The following TEX15 variants were observed in gnomAD, a reference collection of about 807,000 sequenced individuals.
TEX15 encodes testis expressed 15, meiosis and synapsis associated.
A neutral mutation model predicts 237.3 loss-of-function variants in TEX15; 171 were observed. The ratio of observed to expected loss-of-function variants is 0.72; its 90% CI spans 0.64 to 0.82. The LOEUF (loss-of-function observed/expected upper bound fraction) is 0.82. Among genes scored for constraint, TEX15 ranks in the 40% least tolerant of loss-of-function variants. TEX15 has a pLI of 0.00. For synonymous variants in TEX15, 1,338 were observed against 1,269.8 expected, an observed-to-expected ratio of 1.05 and a Z score of -1.14; for missense variants, 3,750 against 3,646.5, an observed-to-expected ratio of 1.03 and a Z score of -0.73.
At chr8:30,850,385 T>C (rs1175628115) in intron 7 of TEX15, among the ~76,000 whole-genome samples, 1 of 152,184 alleles carries the variant, frequency 6.6e-6, no homozygotes, top group East Asian at 1.9e-4. Context: ...CATTCATAGC[T>C]AAGTAACACC....
intron 8 of TEX15, among the ~76,000 whole-genome samples, chr8:30,841,169 C>T (rs969183099): frequency 1.3e-5 from 2 of 152,230 alleles, no homozygotes; most frequent in African/African-American, 4.8e-5. Flanking sequence ...GTCTGCCCAC[C>T]TTGGCCTCCC....
chr8:30,905,376 T>C (rs1321570620), intron 1 of TEX15, among the ~76,000 whole-genome samples: 1 of 152,154 alleles, frequency 6.6e-6, no homozygotes, highest in Non-Finnish European at 1.5e-5. Context: ...CTTGGGATGC[T>C]GCTATTCCTT....
chr8:30,838,773 CATATATATATATATATATATAT>C (rs34610592), intron 9 of TEX15, among the ~76,000 whole-genome samples: 3,629 of 65,488 alleles, frequency 0.055, 268 homozygotes, highest in African/African-American at 0.15. Context: ...TATATAAAAA[CATATATATATATATATATATAT>C]ATATATATAT....
chr8:30,901,615 G>GT (rs1351264318), intron 1 of TEX15, among the ~76,000 whole-genome samples: 1 of 152,108 alleles, frequency 6.6e-6, no homozygotes, highest in Non-Finnish European at 1.5e-5. Context: ...CTTAAGCAAC[G>GT]TATGTTTGAG....
intron 1 of TEX15, among the ~76,000 whole-genome samples, chr8:30,899,546 G>A (rs2128778721): frequency 6.6e-6 from 1 of 152,286 alleles, no homozygotes; most frequent in South Asian, 2.1e-4. Flanking sequence ...CGCTGCCTGG[G>A]TTCAAGCGAT....
Position 30,842,152 on chromosome 8 carries a change from C to T in TEX15, c.8015G>A (p.Ser2672Asn). 1 of 1,612,586 alleles carries T rather than the reference C, an allele frequency of 6.2e-7. No individual in the cohort carries two copies. The highest frequency in any genetic ancestry group is 8.5e-7 in the Non-Finnish European group (1 of 1,179,434). Residue 2672 changes from serine to asparagine, a missense_variant, in exon 8 of 11, where the codon AGT becomes AAT. By Grantham distance (46) the Ser-to-Asn change is conservative. Transcript: ENST00000643185. ...VKPGENNNKF[S>N]ISTMLPPVSE... ...TACTGGGGGCAACATCGTAGAAATA[C>T]TAAATTTATTGTTATTTTCCCCAGG...
Position 30,849,178 on chromosome 8 carries a change from G to A in TEX15, c.989C>T (p.Ser330Leu). Reference sequence around the variant, plus strand: ...ATTTGAGATGAAAGGATTTATCTCTGAATTTAGTGCATTGCATAAACAGTT... The same window carrying A: ...ATTTGAGATGAAAGGATTTATCTCTAAATTTAGTGCATTGCATAAACAGTT... ...QENCLCNALN[S>L]EINPFISNIS... is the part of the protein sequence containing the mutation. Residue 330 changes from serine to leucine, a missense_variant, in exon 8 of 11, where the codon TCA becomes TTA. Transcript: ENST00000643185. The A allele has an allele frequency of 1.3e-6, 2 of 1,542,296 alleles. No homozygotes were observed. The highest frequency in any genetic ancestry group is 1.7e-6 in the Non-Finnish European group (2 of 1,147,968).
intron 2 of TEX15, chr8:30,888,591 G>T: frequency 1.6e-6 from 2 of 1,280,416 alleles, no homozygotes; most frequent in South Asian, 1.2e-5. Context: ...GAAAGCTATG[G>T]AGTATACACA....
rs1170792571 is a variant in TEX15, at chr8:30,848,230, T to C, written c.1937A>G (p.Asp646Gly). The C allele has an allele frequency of 6.2e-7, 1 of 1,612,562 alleles. No individual in the cohort carries two copies. The highest frequency in any genetic ancestry group is 1.1e-5 in the South Asian group (1 of 90,542). Residue 646 changes from aspartate (D) to glycine (G), a missense_variant, in exon 8 of 11, where the codon GAT (aspartate) becomes GGT (glycine). Asp to Gly is a moderately conservative substitution (Grantham distance 94). Coordinates refer to ENST00000643185, the MANE Select transcript of TEX15 (RefSeq NM_001350162.2). ...KQTSWKEIDNDFTNETKISPI... is the reference protein window; with the variant it reads ...KQTSWKEIDNGFTNETKISPI... ...ACTGATTTTTGTTTCATTAGTGAAA[T>C]CATTATCAATTTCTTTCCATGAAGT...
At chr8:30,855,480 A>G (rs1807889791) in intron 7 of TEX15, among the ~76,000 whole-genome samples, 1 of 152,206 alleles carries the variant, frequency 6.6e-6, no homozygotes, top group African/African-American at 2.4e-5. Flanking sequence ...TCTAACTCTC[A>G]GACACTGCTG....
At chr8:30,856,225 C>T (rs2128769843) in intron 7 of TEX15, among the ~76,000 whole-genome samples, 1 of 152,044 alleles carries the variant, frequency 6.6e-6, no homozygotes, top group East Asian at 2.0e-4. Flanking sequence ...GGATTACAGG[C>T]ATAAGCCATG....
intron 2 of TEX15, among the ~76,000 whole-genome samples, chr8:30,893,743 G>GTATC (rs1176628771): frequency 5.9e-5 from 9 of 152,090 alleles, no homozygotes; most frequent in Non-Finnish European, 1.3e-4. Flanking sequence ...GCAGCTTTTA[G>GTATC]TATCATCTTT....
intron 2 of TEX15, among the ~76,000 whole-genome samples, chr8:30,895,641 C>A (rs1307110482): frequency 1.5e-5 from 2 of 134,432 alleles, no homozygotes; most frequent in Admixed American, 7.7e-5. Context: ...ATAGGTTATT[C>A]AAGGGTTTAC....
chr8:30,845,836 T>A lies in TEX15; in HGVS notation c.4331A>T (p.Lys1444Met). ...ATATTTTCTTTTTGACGAAAAATGC[T>A]TAGTAGAATAATATTTTCTTTGAGA... ...SVSQRKYYST[K>M]HFSSKRKYDK... Residue 1444 changes from lysine (K) to methionine (M), a missense_variant, in exon 8 of 11, where the codon AAG (lysine) becomes ATG (methionine). By Grantham distance (95) the Lys-to-Met change is moderately conservative. Transcript: ENST00000643185. 2.5e-6 allele frequency: 4 copies of A among 1,609,432 alleles called. No homozygotes were observed. In the South Asian group the frequency reaches 4.5e-5, roughly 18 times the overall value.
chr8:30,852,194 T>C (rs187805654), intron 7 of TEX15, among the ~76,000 whole-genome samples: 1,289 of 125,840 alleles, frequency 0.01, 9 homozygotes, highest in Middle Eastern at 0.024. Flanking sequence ...AAACTCCGCC[T>C]CCCGGGTTCA....
rs368806544 is a variant in TEX15 at position 30,842,752 on chromosome 8, C to T, written c.7415G>A (p.Arg2472Gln). 5 of 1,613,456 alleles carry T rather than the reference C, an allele frequency of 3.1e-6. No homozygotes were observed. Among genetic ancestry groups the T allele is most frequent in the South Asian group, 1.1e-5 (1 of 91,034 alleles). ...TGACAAATCAAACCAAAGCATACCT[C>T]GAAACCTCTGTTTGTCTAGTTTCTT... ...IAKKLDKQRF[R>Q]GMLWFDLSLL... is the part of the protein sequence containing the mutation. The change falls in exon 8 of 11, where the codon CGA becomes CAA. Residue 2472 changes from arginine (R) to glutamine (Q), a missense_variant. Transcript: ENST00000643185.
In TEX15 at chr8:30,906,669, A is replaced by T. The variant is rs77251523; in HGVS notation, c.-86+6210T>A. Among the ~76,000 whole-genome samples, 435 of 152,236 alleles carry T rather than the reference A, an allele frequency of 2.9e-3. 9 individuals carry two copies. The East Asian group carries it at 0.052, about 18-fold the overall frequency. ...GTATTTGTACCTTGGATAAGCAGGCATGTAATACCTTAGGAAAAACTAAAA... is the reference window on the plus strand; with the variant it reads ...GTATTTGTACCTTGGATAAGCAGGCTTGTAATACCTTAGGAAAAACTAAAA... On this transcript the variant is annotated intron_variant, in intron 1 of 10. Transcript: ENST00000643185.
intron 3 of TEX15, among the ~76,000 whole-genome samples, chr8:30,879,280 A>G (rs1229730198): frequency 6.6e-6 from 1 of 152,024 alleles, no homozygotes; most frequent in Non-Finnish European, 1.5e-5. Flanking sequence ...AAAGTTTCTG[A>G]TTTTCATGAA....
chr8:30,875,206 A>G (rs777821754), intron 3 of TEX15, 104 bp from the exon 4 acceptor site: 10 of 730,686 alleles, frequency 1.4e-5, no homozygotes, highest in African/African-American at 1.8e-5. Context: ...AAGTACTGGA[A>G]TTTTCATTAA....
Sources: allele counts gnomAD v4.1 joint callset (sites outside exome capture counted in the v4.1 genomes callset), GRCh38; gene constraint gnomAD v4.1.1; transcripts MANE v1.5; gene names NCBI Gene and HGNC (gene_info 2026-07-23, HGNC 2026-07-21).